MACROD2: variants seen among roughly 807,000 people sequenced by gnomAD.
MACROD2 encodes ADP-ribose glycohydrolase MACROD2.
MACROD2 carries 36 observed loss-of-function variants against 70.4 expected under a neutral mutation model. The observed-to-expected ratio is 0.51, with a 90% CI of 0.39 to 0.68. The LOEUF (loss-of-function observed/expected upper bound fraction) is 0.68, where lower values mean the gene tolerates loss of function less well. MACROD2 is among the 30% of genes least tolerant of loss of function. The pLI, the probability that MACROD2 is intolerant of heterozygous loss-of-function variation, is 0.00. For missense variants in MACROD2, 496 were observed against 538.4 expected, an observed-to-expected ratio of 0.92 and a Z score of 0.78; for synonymous variants, 172 against 178.8, an observed-to-expected ratio of 0.96 and a Z score of 0.30.
Position 14,951,915 on chromosome 20 carries a change from A to AT in MACROD2, c.418+266972dup, listed in dbSNP as rs11468856. Reference sequence around the variant, plus strand: ...CCCTCCCCTTCAGGGCAGCTTCTCCATTTTTTTTTTTTTTTTCCAGAGCTT... The same window carrying AT: ...CCCTCCCCTTCAGGGCAGCTTCTCCATTTTTTTTTTTTTTTTTCCAGAGCTT... On this transcript the variant is annotated intron_variant, in intron 5 of 17. Transcript: ENST00000684519. Among the ~76,000 whole-genome samples the AT allele has an allele frequency of 5.1e-3, 681 of 133,644 alleles. 7 individuals carry two copies. Among genetic ancestry groups the AT allele is most frequent in the East Asian group, 0.033 (153 of 4,692 alleles). 87.7% of individuals were successfully genotyped at this position (133,644 alleles called of 152,430 possible).
intron 5 of MACROD2, among the ~76,000 whole-genome samples, chr20:15,109,261 G>C (rs372979099): frequency 1.3e-5 from 2 of 152,172 alleles, no homozygotes; most frequent in Admixed American, 1.3e-4. Context: ...GATGTTCACC[G>C]TGAGGAACTC....
chr20:14,769,764 A>G (rs1051964909), intron 5 of MACROD2, among the ~76,000 whole-genome samples: 2 of 152,104 alleles, frequency 1.3e-5, no homozygotes, highest in Non-Finnish European at 2.9e-5. Flanking sequence ...TAGCACAAAT[A>G]TTGCATTTTT....
intron 5 of MACROD2, among the ~76,000 whole-genome samples, chr20:14,750,014 C>A (rs575817531): frequency 6.6e-6 from 1 of 152,096 alleles, no homozygotes; most frequent in African/African-American, 2.4e-5. Flanking sequence ...TATGAGTATA[C>A]TTAACACTTC....
At chr20:15,442,992 T>C (rs1028299765) in intron 7 of MACROD2, among the ~76,000 whole-genome samples, 2 of 152,288 alleles carry the variant, frequency 1.3e-5, no homozygotes. Context: ...CTCACCTCAA[T>C]TGTTTACATT....
chr20:15,772,391 A>G (rs2147021193), intron 8 of MACROD2, among the ~76,000 whole-genome samples: 1 of 151,992 alleles, frequency 6.6e-6, no homozygotes, highest in Non-Finnish European at 1.5e-5. Context: ...ATTACATGAA[A>G]TTTTCAAGGT....
chr20:15,548,901 C>T (rs1464992646), intron 8 of MACROD2, among the ~76,000 whole-genome samples: 1 of 152,152 alleles, frequency 6.6e-6, no homozygotes, highest in Non-Finnish European at 1.5e-5. Flanking sequence ...GCTGAGCTCC[C>T]AGCCAATAGC....
chr20:15,187,477 TTTAAGG>T (rs1307505871), intron 5 of MACROD2, among the ~76,000 whole-genome samples: 1 of 152,176 alleles, frequency 6.6e-6, no homozygotes, highest in African/African-American at 2.4e-5. Context: ...ACACCCAGCA[TTTAAGG>T]TTACTGGACA....
chr20:14,471,277 G>A (rs973541204), intron 3 of MACROD2, among the ~76,000 whole-genome samples: 1 of 152,138 alleles, frequency 6.6e-6, no homozygotes, highest in Admixed American at 6.5e-5. Flanking sequence ...GTCCCAATGA[G>A]ATGAGCCAGG....
chr20:15,554,886 T>G (rs1484086875), intron 8 of MACROD2, among the ~76,000 whole-genome samples: 1 of 152,254 alleles, frequency 6.6e-6, no homozygotes, highest in Admixed American at 6.5e-5. Flanking sequence ...ACATGCATAC[T>G]AATCTTCTGA....
At chr20:14,906,652 C>T (rs951935671) in intron 5 of MACROD2, among the ~76,000 whole-genome samples, 1 of 151,966 alleles carries the variant, frequency 6.6e-6, no homozygotes, top group Non-Finnish European at 1.5e-5. Flanking sequence ...AAATAAATAT[C>T]GAATATACCA....
chr20:15,937,638 A>G, intron 12 of MACROD2, 94 bp downstream of exon 12: 2 of 1,151,704 alleles, frequency 1.7e-6, no homozygotes, highest in Non-Finnish European at 2.6e-6. Flanking sequence ...CAAGTCAAAT[A>G]TAACTAGGTT....
chr20:15,351,515 T>C (rs2078226434), intron 6 of MACROD2, among the ~76,000 whole-genome samples: 1 of 152,168 alleles, frequency 6.6e-6, no homozygotes. Context: ...GAAAGAACAG[T>C]GGAAACCTCC....
intron 5 of MACROD2, among the ~76,000 whole-genome samples, chr20:14,908,724 G>T (rs1255881768): frequency 1.3e-5 from 2 of 152,066 alleles, no homozygotes; most frequent in African/African-American, 4.8e-5. Flanking sequence ...GAATCTATTA[G>T]AAGGCATGGG....
chr20:14,969,772 A>T (rs1465714798), intron 5 of MACROD2, among the ~76,000 whole-genome samples: 1 of 152,126 alleles, frequency 6.6e-6, no homozygotes, highest in Non-Finnish European at 1.5e-5. Context: ...CTGGATAAGG[A>T]TCAGTTTCTT....
intron 8 of MACROD2, among the ~76,000 whole-genome samples, chr20:15,708,015 C>G (rs1042857468): frequency 1.3e-5 from 2 of 151,692 alleles, no homozygotes; most frequent in African/African-American, 4.8e-5. Context: ...AAAAGTGTTT[C>G]AAGCAGAAGA....
chr20:14,794,400 A>C (rs1470048212), intron 5 of MACROD2, among the ~76,000 whole-genome samples: 1 of 152,152 alleles, frequency 6.6e-6, no homozygotes, highest in African/African-American at 2.4e-5. Flanking sequence ...CAACAAGGGA[A>C]ACACCTAATG....
chr20:15,018,327 G>A (rs930427200), intron 5 of MACROD2, among the ~76,000 whole-genome samples: 1 of 152,248 alleles, frequency 6.6e-6, no homozygotes, highest in South Asian at 2.1e-4. Context: ...GTCCCAATAA[G>A]TTCCTCATCT....
intron 6 of MACROD2, among the ~76,000 whole-genome samples, chr20:15,346,106 A>C (rs970962473): frequency 2.5e-5 from 3 of 119,082 alleles, no homozygotes; most frequent in African/African-American, 8.7e-5. Context: ...CTAAGGTAAA[A>C]ATTTTTTTTT....
intron 15 of MACROD2, among the ~76,000 whole-genome samples, chr20:16,036,141 G>T (rs569836958): frequency 1.8e-4 from 28 of 152,070 alleles, no homozygotes; most frequent in African/African-American, 6.3e-4. Context: ...CAATACAATT[G>T]AATCCAGACA....
Sources: gnomAD v4.1 joint callset for allele counts (sites outside exome capture counted in the v4.1 genomes callset) on GRCh38, gnomAD v4.1.1 for gene constraint, MANE v1.5 for transcripts, NCBI Gene and HGNC (gene_info 2026-07-23, HGNC 2026-07-21) for gene names.